Variants in LAMA3 observed in about 807,000 individuals in gnomAD.
The protein encoded by LAMA3 is laminin subunit alpha 3.
In LAMA3, 281 loss-of-function variants were observed where a neutral mutation model predicts 402.0. That is an observed-to-expected ratio of 0.70 (90% CI 0.63 to 0.77). The LOEUF (loss-of-function observed/expected upper bound fraction) is 0.77, where lower values mean the gene tolerates loss of function less well. LAMA3 is among the 30% of genes least tolerant of loss of function. LAMA3 has a pLI of 0.00. For synonymous variants in LAMA3, 1,431 were observed against 1,558.4 expected (o/e 0.92, Z 1.93); for missense variants, 3,840 against 4,215.5 (o/e 0.91, Z 2.47).
In LAMA3 at chr18:23,847,501, G is replaced by T. The variant is rs886898891; in HGVS notation, c.3969G>T (p.Thr1323=). The T allele has an allele frequency of 3.1e-6, 5 of 1,613,388 alleles. No individual in the cohort carries two copies. The highest frequency in any genetic ancestry group is 1.6e-4 in the Middle Eastern group (1 of 6,062). ...GTCGGCGCCTTTGTGAAGAGATGACGGGGCAGTGCCGCTGCCCTCCCCGCA... is the reference window on the plus strand; with the variant it reads ...GTCGGCGCCTTTGTGAAGAGATGACTGGGCAGTGCCGCTGCCCTCCCCGCA... ...SCGRRLCEEM[T]GQCRCPPRTV... Residue 1323 remains threonine, a synonymous_variant, in exon 32 of 75, where the codon ACG becomes ACT. Coordinates refer to ENST00000313654, the MANE Select transcript of LAMA3 (RefSeq NM_198129.4).
At chr18:23,919,143 GACTCTCAGTAAATTGGTGTA>G (rs1201636307) in intron 60 of LAMA3, among the ~76,000 whole-genome samples, 2 of 152,212 alleles carry the variant, frequency 1.3e-5, no homozygotes, top group African/African-American at 4.8e-5. Flanking sequence ...GATGGCTCAT[GACTCTCAGTAAATTGGTGTA>G]ACTCTGTTGT....
chr18:23,694,681 C>G (rs2060651870), intron 1 of LAMA3, among the ~76,000 whole-genome samples: 1 of 152,238 alleles, frequency 6.6e-6, no homozygotes, highest in African/African-American at 2.4e-5. Context: ...CGCTATACTA[C>G]TGTCACAGAC....
intron 1 of LAMA3, chr18:23,710,383 GC>G (rs34994417): frequency 0.51 from 167,861 of 327,456 alleles, 48,091 homozygotes; most frequent in Non-Finnish European, 0.62. Flanking sequence ...AAACCTTGTT[GC>G]TTGGTGCCAA....
intron 42 of LAMA3, among the ~76,000 whole-genome samples, chr18:23,893,994 A>G (rs897206838): frequency 2.0e-5 from 3 of 152,244 alleles, no homozygotes; most frequent in Admixed American, 2.0e-4. Context: ...TTGAATATAT[A>G]ACAGGGAGGC....
chr18:23,801,322 AG>A (rs1213490934), intron 12 of LAMA3, among the ~76,000 whole-genome samples: 1 of 152,146 alleles, frequency 6.6e-6, no homozygotes, highest in East Asian at 1.9e-4. Flanking sequence ...AGGTGGGTGA[AG>A]GCTGAAAAAC....
intron 67 of LAMA3, among the ~76,000 whole-genome samples, chr18:23,934,905 A>G (rs1254218163): frequency 6.6e-6 from 1 of 152,240 alleles, no homozygotes; most frequent in Non-Finnish European, 1.5e-5. Context: ...TTGGGAGAGC[A>G]TGAACAGATA....
At chr18:23,848,424 G>A (rs2063870705) in intron 32 of LAMA3, among the ~76,000 whole-genome samples, 1 of 152,242 alleles carries the variant, frequency 6.6e-6, no homozygotes, top group Admixed American at 6.5e-5. Flanking sequence ...GCAGGACTGG[G>A]TGGGGGCTGC....
chr18:23,859,145 A>G (rs2064155698), intron 34 of LAMA3, among the ~76,000 whole-genome samples: 1 of 152,100 alleles, frequency 6.6e-6, no homozygotes, highest in Non-Finnish European at 1.5e-5. Context: ...TCGCTGATAC[A>G]CCCCTAGTGC....
Position 23,954,758 on chromosome 18 carries a change from G to T in LAMA3, c.*110G>T. On this transcript the variant is annotated 3_prime_UTR_variant, in exon 75 of 75. Transcript: ENST00000313654. ...TTCACTCAGGACACAAACCAGACAG[G>T]TTTAATAGCGAATCTAATTTTGAAT... is the stretch of plus-strand genomic sequence containing the variant. The T allele has an allele frequency of 8.6e-7, 1 of 1,156,978 alleles. No homozygotes were observed. Among genetic ancestry groups the T allele is most frequent in the South Asian group, 1.2e-5 (1 of 80,886 alleles). The allele number at this position is 1,156,978 out of a possible 1,614,324, so 71.7% of individuals were successfully genotyped here.
chr18:23,880,968 T>C (rs548640428), intron 39 of LAMA3, among the ~76,000 whole-genome samples: 3 of 152,162 alleles, frequency 2.0e-5, no homozygotes, highest in Non-Finnish European at 2.9e-5. Flanking sequence ...AGAAGTAAAA[T>C]ACATAGGCAA....
At chr18:23,880,682 T>G (rs1187179633) in intron 39 of LAMA3, among the ~76,000 whole-genome samples, 2 of 152,186 alleles carry the variant, frequency 1.3e-5, no homozygotes, top group Non-Finnish European at 2.9e-5. Flanking sequence ...TTTGAGACCA[T>G]CCTGACCAAC....
chr18:23,872,569 C>T (rs2064560080), intron 38 of LAMA3, among the ~76,000 whole-genome samples: 1 of 152,130 alleles, frequency 6.6e-6, no homozygotes, highest in Non-Finnish European at 1.5e-5. Context: ...ATACGAGTTC[C>T]CACTTTTTAA....
At chr18:23,701,926 G>A (rs890245916) in intron 1 of LAMA3, among the ~76,000 whole-genome samples, 4 of 152,296 alleles carry the variant, frequency 2.6e-5, no homozygotes, top group Non-Finnish European at 5.9e-5. Context: ...CAAATGGAGT[G>A]AGTGGGGGAA....
intron 23 of LAMA3, among the ~76,000 whole-genome samples, chr18:23,828,580 ATGTGTGTGTGTATT>A (rs1025699952): frequency 2.0e-5 from 3 of 151,998 alleles, no homozygotes; most frequent in East Asian, 1.9e-4. Context: ...AGGTATATGT[ATGTGTGTGTGTATT>A]TGTGTGTGTG....
Position 23,904,544 on chromosome 18 carries a change from G to A in LAMA3, c.6474-9G>A. ...CTGTGGGGAGTGGCTAACCTGCCCT[G>A]TCTTCCAGGATCAAGAGAAACGCCA... On this transcript the variant is annotated splice_polypyrimidine_tract_variant and intron_variant, in intron 50 of 74. Coordinates refer to ENST00000313654, the MANE Select transcript of LAMA3 (RefSeq NM_198129.4). 1 of 1,585,032 alleles carries A rather than the reference G, an allele frequency of 6.3e-7. No homozygotes were observed. Among genetic ancestry groups the A allele is most frequent in the South Asian group, 1.1e-5 (1 of 87,392 alleles).
intron 20 of LAMA3, among the ~76,000 whole-genome samples, chr18:23,823,969 T>C (rs1229545581): frequency 6.6e-6 from 1 of 152,126 alleles, no homozygotes; most frequent in East Asian, 1.9e-4. Flanking sequence ...GCTCAGGAGT[T>C]TGAGGCTGTC....
chr18:23,824,877 T>A (rs548904136), intron 21 of LAMA3, among the ~76,000 whole-genome samples: 1 of 152,326 alleles, frequency 6.6e-6, no homozygotes, highest in South Asian at 2.1e-4. Flanking sequence ...AGTATGTGGC[T>A]TCACCCTTCC....
rs3745027 is a variant in LAMA3, at chr18:23,893,999, G to A, written c.5411-299G>A. ...AGTGAAGGAATTGAATATATAACAG[G>A]GAGGCCACAAAAGCAGTTCCTGCAG... is the stretch of plus-strand genomic sequence containing the variant. On this transcript the variant is annotated intron_variant, in intron 42 of 74. Coordinates refer to ENST00000313654, the MANE Select transcript of LAMA3 (RefSeq NM_198129.4). 0.47 allele frequency among the ~76,000 whole-genome samples: 71,111 copies of A among 151,896 alleles called. 18,753 individuals carry two copies. Among genetic ancestry groups the A allele is most frequent in the Non-Finnish European group, 0.61 (41,291 of 67,922 alleles).
chr18:23,816,274 A>T, intron 17 of LAMA3, 114 bp from the exon 18 acceptor site: 2 of 782,840 alleles, frequency 2.6e-6, no homozygotes, highest in Non-Finnish European at 4.5e-6. Flanking sequence ...GGCAGAGGAA[A>T]GAAGGCAGGC....
Sources: gnomAD v4.1 joint callset for allele counts (sites outside exome capture counted in the v4.1 genomes callset) on GRCh38, gnomAD v4.1.1 for gene constraint, MANE v1.5 for transcripts, NCBI Gene and HGNC (gene_info 2026-07-23, HGNC 2026-07-21) for gene names.